The following DLC1 variants were observed in gnomAD, a reference collection of about 807,000 sequenced individuals.
The protein encoded by DLC1 is rho GTPase-activating protein 7.
Under a neutral mutation model 140.3 loss-of-function variants are expected in DLC1, and 54 were observed. That is an observed-to-expected ratio of 0.38 (90% CI 0.31 to 0.48). DLC1 has a LOEUF of 0.48. Ranked by LOEUF, DLC1 falls within the 20% of genes least tolerant of loss-of-function variation. The probability of loss-of-function intolerance (pLI) is 0.96; values close to 1 mark genes in which losing one functional copy is unlikely to be tolerated. For synonymous variants in DLC1, 986 were observed against 728.1 expected, an observed-to-expected ratio of 1.35 and a Z score of -5.70; for missense variants, 2,536 against 1,907.0, an observed-to-expected ratio of 1.33 and a Z score of -6.14.
chr8:13,171,690 C>G (rs570656828), intron 5 of DLC1, among the ~76,000 whole-genome samples: 1 of 152,138 alleles, frequency 6.6e-6, no homozygotes, highest in Non-Finnish European at 1.5e-5. Flanking sequence ...GGCCGGCCCA[C>G]ACTTCCTTTT....
At chr8:13,201,715 C>G (rs1202914112) in intron 5 of DLC1, among the ~76,000 whole-genome samples, 2 of 152,058 alleles carry the variant, frequency 1.3e-5, no homozygotes, top group Non-Finnish European at 2.9e-5. Context: ...TTTTATAATA[C>G]TGAACTCCTC....
At chr8:13,146,428 G>A (rs924790080) in intron 5 of DLC1, among the ~76,000 whole-genome samples, 12 of 151,768 alleles carry the variant, frequency 7.9e-5, no homozygotes, top group Non-Finnish European at 1.5e-4. Context: ...TAGTGAGCTA[G>A]TGATACTAAA....
chr8:13,387,066 T>A (rs2117186963), intron 4 of DLC1, among the ~76,000 whole-genome samples: 1 of 152,188 alleles, frequency 6.6e-6, no homozygotes, highest in South Asian at 2.1e-4. Context: ...TTTTTTGATG[T>A]TTCTGAAGAA....
intron 4 of DLC1, among the ~76,000 whole-genome samples, chr8:13,314,814 C>A (rs908113111): frequency 2.0e-5 from 3 of 151,910 alleles, no homozygotes; most frequent in Admixed American, 2.0e-4. Context: ...TGGAATTTAT[C>A]CTTATCAAAT....
intron 1 of DLC1, among the ~76,000 whole-genome samples, chr8:13,586,022 C>G (rs899672956): frequency 1.3e-5 from 2 of 152,082 alleles, no homozygotes; most frequent in African/African-American, 4.8e-5. Flanking sequence ...AATAGACATT[C>G]AAGGGAATGA....
intron 7 of DLC1, among the ~76,000 whole-genome samples, 190 bp downstream of exon 7, chr8:13,110,552 A>G (rs534938360): frequency 6.6e-6 from 1 of 152,314 alleles, no homozygotes; most frequent in Non-Finnish European, 1.5e-5. Context: ...CGTGGATGCT[A>G]TTTTAATGGC....
At chr8:13,220,315 A>C (rs1828479072) in intron 5 of DLC1, among the ~76,000 whole-genome samples, 1 of 152,162 alleles carries the variant, frequency 6.6e-6, no homozygotes, top group African/African-American at 2.4e-5. Context: ...CCGAATTTGA[A>C]TTTGCAGCAA....
intron 2 of DLC1, among the ~76,000 whole-genome samples, chr8:13,432,926 G>A (rs945297682): frequency 4.0e-5 from 6 of 149,684 alleles, no homozygotes; most frequent in African/African-American, 1.5e-4. Context: ...TCCTGCTGGA[G>A]GAGGTTCCTC....
intron 5 of DLC1, among the ~76,000 whole-genome samples, chr8:13,227,053 G>T (rs1364854073): frequency 6.6e-6 from 1 of 152,100 alleles, no homozygotes; most frequent in East Asian, 1.9e-4. Context: ...GGGGGCGGGG[G>T]CAGGGACTGA....
intron 5 of DLC1, among the ~76,000 whole-genome samples, chr8:13,230,602 T>C (rs1436605333): frequency 1.3e-5 from 2 of 149,634 alleles, no homozygotes; most frequent in African/African-American, 2.5e-5. Context: ...TTTTTCTTTT[T>C]TTTTTTTTTT....
chr8:13,455,835 C>G (rs1799360474), intron 2 of DLC1, among the ~76,000 whole-genome samples: 1 of 152,104 alleles, frequency 6.6e-6, no homozygotes, highest in Non-Finnish European at 1.5e-5. Flanking sequence ...ATGACCATGC[C>G]ACTGCACTCT....
chr8:13,120,903 C>T (rs1229827156), intron 5 of DLC1, among the ~76,000 whole-genome samples: 1 of 152,108 alleles, frequency 6.6e-6, no homozygotes, highest in Non-Finnish European at 1.5e-5. Context: ...AACTCCCCAC[C>T]CCCAGCATCA....
chr8:13,453,424 G>GTATATATATATATATATATA (rs1173719745), intron 2 of DLC1, among the ~76,000 whole-genome samples: 1 of 56,536 alleles, frequency 1.8e-5, no homozygotes, highest in African/African-American at 2.1e-4. Flanking sequence ...ATATATATAT[G>GTATATATATATATATATATA]TGTATATATA....
At chr8:13,247,545 CAG>C (rs1350717516) in intron 5 of DLC1, among the ~76,000 whole-genome samples, 2 of 152,190 alleles carry the variant, frequency 1.3e-5, no homozygotes, top group South Asian at 4.2e-4. Flanking sequence ...CACCAAAGCC[CAG>C]AGAGGTTAAG....
At chr8:13,145,989 T>C (rs911255850) in intron 5 of DLC1, among the ~76,000 whole-genome samples, 11 of 152,104 alleles carry the variant, frequency 7.2e-5, no homozygotes, top group South Asian at 6.2e-4. Flanking sequence ...TCTTAAAATA[T>C]ACTGTAGGGC....
chr8:13,442,843 C>G (rs747994246), intron 2 of DLC1, among the ~76,000 whole-genome samples: 1 of 152,198 alleles, frequency 6.6e-6, no homozygotes, highest in Non-Finnish European at 1.5e-5. Context: ...ACCCAGCCAT[C>G]CCATTACTGG....
At chr8:13,095,053 C>G in intron 11 of DLC1, 33 bp downstream of exon 11, 1 of 1,613,748 alleles carries the variant, frequency 6.2e-7, no homozygotes, top group Non-Finnish European at 8.5e-7. Context: ...CCGAGCTCCC[C>G]TGAGTACGTG....
intron 1 of DLC1, chr8:13,604,458 C>T (rs1165777083): frequency 6.6e-6 from 1 of 152,080 alleles, no homozygotes; most frequent in African/African-American, 2.4e-5. Context: ...CTTTAACATG[C>T]AAACTACTAA....
At chr8:13,479,875 GA>G (rs1158624471) in intron 2 of DLC1, among the ~76,000 whole-genome samples, 1 of 84,430 alleles carries the variant, frequency 1.2e-5, no homozygotes. Flanking sequence ...AAGAAAGAAA[GA>G]AAGAAAGAAA....
Sources: gnomAD v4.1 joint callset for allele counts (sites outside exome capture counted in the v4.1 genomes callset) on GRCh38, gnomAD v4.1.1 for gene constraint, MANE v1.5 for transcripts, NCBI Gene and HGNC (gene_info 2026-07-23, HGNC 2026-07-21) for gene names.